Variants in ZDHHC14 observed in about 807,000 individuals in gnomAD.
ZDHHC14 encodes the protein zDHHC palmitoyltransferase 14.
Under a neutral mutation model 47.7 loss-of-function variants are expected in ZDHHC14, and 16 were observed. The ratio of observed to expected loss-of-function variants is 0.34; its 90% CI spans 0.23 to 0.51. The LOEUF is 0.51. ZDHHC14 is among the 20% of genes least tolerant of loss of function. The probability of loss-of-function intolerance (pLI) is 0.97; values close to 1 mark genes in which losing one functional copy is unlikely to be tolerated. For missense variants in ZDHHC14, 515 were observed against 662.5 expected (o/e 0.78, Z 2.44); for synonymous variants, 293 against 278.9 (o/e 1.05, Z -0.50).
chr6:157,444,607 G>A (rs1778622834), intron 1 of ZDHHC14, among the ~76,000 whole-genome samples: 1 of 151,936 alleles, frequency 6.6e-6, no homozygotes, highest in East Asian at 1.9e-4. Flanking sequence ...GAACCCAGGA[G>A]GTGGAAGTTG....
At chr6:157,657,253 G>C (rs1236216854) in intron 8 of ZDHHC14, among the ~76,000 whole-genome samples, 1 of 151,944 alleles carries the variant, frequency 6.6e-6, no homozygotes, top group Non-Finnish European at 1.5e-5. Context: ...TTGCCATGTT[G>C]CCCAGGCTGG....
chr6:157,445,645 CAG>C (rs2114796907), intron 1 of ZDHHC14, among the ~76,000 whole-genome samples: 1 of 152,290 alleles, frequency 6.6e-6, no homozygotes, highest in East Asian at 1.9e-4. Context: ...TCTGTTAAAA[CAG>C]AGTCTGGTCT....
At chr6:157,621,355 C>T (rs1263878701) in intron 3 of ZDHHC14, among the ~76,000 whole-genome samples, 2 of 151,540 alleles carry the variant, frequency 1.3e-5, no homozygotes, top group Non-Finnish European at 2.9e-5. Flanking sequence ...AAAAGCCCTA[C>T]GTTTAAAGAA....
intron 1 of ZDHHC14, among the ~76,000 whole-genome samples, chr6:157,438,646 G>A (rs1417484412): frequency 2.0e-5 from 3 of 152,218 alleles, no homozygotes; most frequent in Non-Finnish European, 4.4e-5. Context: ...TTGTGTCTTT[G>A]TAAGACTTTC....
At chr6:157,510,674 AAGG>A (rs1305367589) in intron 1 of ZDHHC14, among the ~76,000 whole-genome samples, 2 of 152,228 alleles carry the variant, frequency 1.3e-5, no homozygotes, top group Non-Finnish European at 2.9e-5. Context: ...CAATCCGCAT[AAGG>A]AGAAGCAAAT....
intron 3 of ZDHHC14, among the ~76,000 whole-genome samples, chr6:157,617,339 A>G (rs1231363391): frequency 6.6e-6 from 1 of 152,168 alleles, no homozygotes; most frequent in Non-Finnish European, 1.5e-5. Context: ...TTCAGTTTCA[A>G]CTCAGAAAAA....
intron 1 of ZDHHC14, among the ~76,000 whole-genome samples, chr6:157,474,526 T>G (rs1462289177): frequency 6.6e-6 from 1 of 152,188 alleles, no homozygotes; most frequent in Non-Finnish European, 1.5e-5. Context: ...ATTTACATTC[T>G]CACCAACAGT....
In ZDHHC14 at chr6:157,676,184, G is replaced by C. The variant is rs1470218265; in HGVS notation, c.*3062G>C. ...AGGAAGCAGGGGGATGCTGCAGGAA[G>C]GTGGCAGACAGACTGCATCCAGGAG... On this transcript the variant is annotated 3_prime_UTR_variant, in exon 9 of 9. Coordinates refer to ENST00000359775, the MANE Select transcript of ZDHHC14 (RefSeq NM_024630.3). The C allele has an allele frequency of 6.6e-6, 1 of 152,306 alleles. No homozygotes were observed. Among genetic ancestry groups the C allele is most frequent in the Non-Finnish European group, 1.5e-5 (1 of 68,084 alleles). 9.4% of individuals were successfully genotyped at this position (152,306 alleles called of 1,614,324 possible).
intron 1 of ZDHHC14, among the ~76,000 whole-genome samples, chr6:157,538,970 A>T (rs1781646273): frequency 6.6e-6 from 1 of 151,850 alleles, no homozygotes; most frequent in Non-Finnish European, 1.5e-5. Flanking sequence ...ACTGTGGGGG[A>T]CTTGGACACC....
chr6:157,580,470 C>T (rs1189298080), intron 2 of ZDHHC14, among the ~76,000 whole-genome samples: 2 of 152,090 alleles, frequency 1.3e-5, no homozygotes, highest in Non-Finnish European at 2.9e-5. Flanking sequence ...GGAATGGTAC[C>T]AGCTCTTTAT....
intron 2 of ZDHHC14, among the ~76,000 whole-genome samples, chr6:157,570,570 G>A (rs536155078): frequency 6.6e-6 from 1 of 152,216 alleles, no homozygotes; most frequent in South Asian, 2.1e-4. Context: ...TTCCTTTCAA[G>A]GGCAAGGCTT....
chr6:157,518,572 G>A (rs1780785798), intron 1 of ZDHHC14, among the ~76,000 whole-genome samples: 1 of 152,144 alleles, frequency 6.6e-6, no homozygotes, highest in African/African-American at 2.4e-5. Context: ...CTGTCTGTAG[G>A]TGACACCCAA....
rs1384614389 is a variant in ZDHHC14, at chr6:157,674,806, A to T, written c.*1684A>T. On this transcript the variant is annotated 3_prime_UTR_variant, in exon 9 of 9. Transcript: ENST00000359775. ...TAATTCATGCTGAAAGGGCCTGCAGAGTTCTTGCACTGTGATGTCTTCGAG... is the reference window on the plus strand; with the variant it reads ...TAATTCATGCTGAAAGGGCCTGCAGTGTTCTTGCACTGTGATGTCTTCGAG... The T allele has an allele frequency of 6.6e-6, 1 of 152,252 alleles. No homozygotes were observed. The highest frequency in any genetic ancestry group is 1.5e-5 in the Non-Finnish European group (1 of 68,054). The allele number at this position is 152,252 out of a possible 1,614,324, so 9.4% of individuals were successfully genotyped here. A position where few individuals can be genotyped will look rare whatever the true frequency, so the allele number is the denominator to read the frequency against.
chr6:157,540,863 A>AT (rs1318569541), intron 1 of ZDHHC14, among the ~76,000 whole-genome samples: 3 of 115,474 alleles, frequency 2.6e-5, no homozygotes, highest in East Asian at 5.3e-4. Context: ...TTATATATAT[A>AT]ACATATATAG....
intron 1 of ZDHHC14, among the ~76,000 whole-genome samples, chr6:157,436,993 G>A (rs1425632333): frequency 6.6e-6 from 1 of 152,090 alleles, no homozygotes; most frequent in Non-Finnish European, 1.5e-5. Context: ...CGGGGCAAGG[G>A]GCATCCTGAG....
intron 3 of ZDHHC14, among the ~76,000 whole-genome samples, chr6:157,612,660 T>G (rs1784797337): frequency 6.6e-6 from 1 of 152,140 alleles, no homozygotes; most frequent in African/African-American, 2.4e-5. Context: ...TGGGTAAGCT[T>G]CAAGAGGCCA....
rs924827099 is a variant in ZDHHC14, at chr6:157,571,961, A to T, written c.407-21027A>T. Among the ~76,000 whole-genome samples the T allele has an allele frequency of 3.3e-5, 5 of 152,008 alleles. No homozygotes were observed. In the South Asian group the frequency reaches 1.0e-3, roughly 32 times the overall value. On this transcript the variant is annotated intron_variant, in intron 2 of 8. Coordinates refer to ENST00000359775, the MANE Select transcript of ZDHHC14 (RefSeq NM_024630.3). ...CAGATTTTCACGTGCATCCAAATCC[A>T]AATTCAGGGTGGGAGGGTGTGTGGG... is the stretch of plus-strand genomic sequence containing the variant.
chr6:157,429,703 G>A (rs1229387429), intron 1 of ZDHHC14, among the ~76,000 whole-genome samples: 8 of 152,150 alleles, frequency 5.3e-5, no homozygotes, highest in African/African-American at 1.9e-4. Flanking sequence ...TGAAGGGCTG[G>A]ATAAAGCAGG....
Position 157,672,838 on chromosome 6 carries a change from C to A in ZDHHC14, c.1183C>A (p.Pro395Thr), listed in dbSNP as rs377723171. 2 of 1,611,384 alleles carry A rather than the reference C, an allele frequency of 1.2e-6. No homozygotes were observed. Among genetic ancestry groups the A allele is most frequent in the Non-Finnish European group, 8.5e-7 (1 of 1,179,380 alleles). Residue 395 changes from proline to threonine, a missense_variant, in exon 9 of 9, where the codon CCT becomes ACT. Physicochemically the swap from Pro to Thr is conservative, Grantham distance 38 (BLOSUM62 -1). Coordinates refer to ENST00000359775, the MANE Select transcript of ZDHHC14 (RefSeq NM_024630.3). Reference protein sequence around the residue: ...TSDELHLPGKPGLGTPCASLT... With the variant: ...TSDELHLPGKTGLGTPCASLT... ...CGACGAGCTGCACCTGCCCGGGAAG[C>A]CTGGCCTGGGCACGCCCTGCGCCAG... is the stretch of plus-strand genomic sequence containing the variant.
Sources: gnomAD v4.1 joint callset for allele counts (sites outside exome capture counted in the v4.1 genomes callset) on GRCh38, gnomAD v4.1.1 for gene constraint, MANE v1.5 for transcripts, NCBI Gene and HGNC (gene_info 2026-07-23, HGNC 2026-07-21) for gene names.